Variants in USP6 observed in about 807,000 individuals in gnomAD.
USP6 encodes ubiquitin carboxyl-terminal hydrolase 6.
In USP6, 128 loss-of-function variants were observed where a neutral mutation model predicts 175.7. That is an observed-to-expected ratio of 0.73 (90% CI 0.63 to 0.84). USP6 has a LOEUF of 0.84. Among genes scored for constraint, USP6 ranks in the 40% least tolerant of loss-of-function variants. The pLI, the probability that USP6 is intolerant of heterozygous loss-of-function variation, is 0.00. For synonymous variants in USP6, 562 were observed against 630.6 expected (o/e 0.89, Z 1.63); for missense variants, 1,498 against 1,760.3 (o/e 0.85, Z 2.67).
At chr17:5,133,410 G>A (rs1459378411) in intron 13 of USP6, 33 bp from the exon 14 acceptor site, 4 of 1,581,452 alleles carry the variant, frequency 2.5e-6, no homozygotes, top group Non-Finnish European at 3.5e-6. Flanking sequence ...GTCACCCCAT[G>A]GCCTGTGACA....
chr17:5,130,748 CT>C, intron 11 of USP6, 64 bp downstream of exon 11: 1 of 1,599,150 alleles, frequency 6.3e-7, no homozygotes, highest in East Asian at 2.2e-5. Context: ...GATGGGTTTG[CT>C]TTTAGAAAGG....
At chr17:5,138,418 A>G (rs2073332421) in intron 21 of USP6, 145 bp downstream of exon 21, 3 of 1,457,570 alleles carry the variant, frequency 2.1e-6, no homozygotes, top group Non-Finnish European at 2.8e-6. Flanking sequence ...AAGAAAGTAC[A>G]GGAGGCCCAC....
At chr17:5,168,740 C>T (rs373702732) in intron 34 of USP6, 27 bp from the exon 35 acceptor site, 82 of 1,534,906 alleles carry the variant, frequency 5.3e-5, no homozygotes, top group Middle Eastern at 1.8e-4. Flanking sequence ...CCCTTTAATG[C>T]GATGTTTTCT....
At position 5,168,748 on chromosome 17, in the gene USP6, T is replaced by G; in HGVS notation, c.3229-19T>G. Reference sequence around the variant, plus strand: ...TTCAGAACCCTTTAATGCGATGTTTTCTACCTTTACTTCTCCAGATTATTC... The same window carrying G: ...TTCAGAACCCTTTAATGCGATGTTTGCTACCTTTACTTCTCCAGATTATTC... On this transcript the variant is annotated intron_variant, in intron 34 of 37. Coordinates refer to ENST00000574788, the MANE Select transcript of USP6 (RefSeq NM_001304284.2). 3 of 1,544,188 alleles carry G rather than the reference T, an allele frequency of 1.9e-6. No individual in the cohort carries two copies. Among genetic ancestry groups the G allele is most frequent in the Non-Finnish European group, 2.6e-6 (3 of 1,147,042 alleles).
chr17:5,169,450 T>G (rs2074165906), intron 35 of USP6, among the ~76,000 whole-genome samples: 1 of 152,338 alleles, frequency 6.6e-6, no homozygotes, highest in African/African-American at 2.4e-5. Flanking sequence ...TTTTTTGTTT[T>G]TTTGAGACAG....
intron 11 of USP6, among the ~76,000 whole-genome samples, chr17:5,131,521 A>T (rs3930854): frequency 1.3e-5 from 2 of 150,656 alleles, no homozygotes; most frequent in African/African-American, 4.9e-5. Flanking sequence ...GGGCCCACCT[A>T]CCCCTGTTCT....
Position 5,121,421 on chromosome 17 carries a change from A to G in USP6, c.-1628A>G, listed in dbSNP as rs529684988. ...GTGGCCACCAACACAGAGGCCCTGC[A>G]GAGCGGCAGGATAGAGATATGGAGC... On this transcript the variant is annotated 5_prime_UTR_variant, in exon 4 of 38. Transcript: ENST00000574788. 9 of 322,164 alleles carry G rather than the reference A, an allele frequency of 2.8e-5. No homozygotes were observed. The East Asian group carries it at 7.3e-4, about 26-fold the overall frequency. The allele number at this position is 322,164 out of a possible 1,614,324, so 20.0% of individuals were successfully genotyped here.
intron 30 of USP6, among the ~76,000 whole-genome samples, chr17:5,155,015 C>T (rs1210430739): frequency 1.3e-5 from 2 of 152,172 alleles, no homozygotes; most frequent in Non-Finnish European, 2.9e-5. Context: ...GGATTACAGG[C>T]GTGAGCTACC....
chr17:5,141,863 C>T lies in USP6; in HGVS notation c.1574-140C>T. The stretch of plus-strand genomic sequence containing the variant: ...CCATGAAAAGCCTTCTCTAGCATTT[C>T]AAAGACCTGCTAGAGAATTATTAGC... On this transcript the variant is annotated intron_variant, in intron 23 of 37. Coordinates refer to ENST00000574788, the MANE Select transcript of USP6 (RefSeq NM_001304284.2). The T allele has an allele frequency of 1.7e-5, 23 of 1,364,224 alleles. 1 individual carries two copies. The South Asian group carries it at 3.8e-4, about 23-fold the overall frequency. 84.5% of individuals were successfully genotyped at this position (1,364,224 alleles called of 1,614,324 possible).
intron 6 of USP6, among the ~76,000 whole-genome samples, chr17:5,126,356 A>G (rs577985304): frequency 6.6e-6 from 1 of 152,286 alleles, no homozygotes; most frequent in South Asian, 2.1e-4. Flanking sequence ...AATAGACAAG[A>G]CATCACGGTT....
intron 22 of USP6, among the ~76,000 whole-genome samples, chr17:5,140,208 A>G (rs1229942593): frequency 6.6e-6 from 1 of 152,216 alleles, no homozygotes; most frequent in Admixed American, 6.5e-5. Flanking sequence ...AAGGCACTAC[A>G]GTGTCCTCCT....
chr17:5,159,963 CAAA>C (rs34643191), intron 31 of USP6, among the ~76,000 whole-genome samples: 7 of 108,648 alleles, frequency 6.4e-5, no homozygotes, highest in East Asian at 2.4e-4. Context: ...TACCCCGTCT[CAAA>C]AAAAAAAAAA....
chr17:5,120,236 T>C (rs2072622280), intron 2 of USP6, among the ~76,000 whole-genome samples: 1 of 151,798 alleles, frequency 6.6e-6, no homozygotes, highest in African/African-American at 2.4e-5. Context: ...CAACGTAGGG[T>C]TGCTCTCTGC....
rs1191053537 is a variant in USP6 at position 5,132,525 on chromosome 17, G to A, written c.195+90G>A. On this transcript the variant is annotated intron_variant, in intron 12 of 37. Coordinates refer to ENST00000574788, the MANE Select transcript of USP6 (RefSeq NM_001304284.2). The surrounding 1 kb of genome is among the most constrained non-coding windows in gnomAD (Gnocchi z 4.7). ...GCAGAGGAAGCAGCTGGCCTGGGCG[G>A]TGGCGGGTGAGGGCAACACGCTGTC... is the stretch of plus-strand genomic sequence containing the variant. 1.5e-5 allele frequency: 24 copies of A among 1,608,156 alleles called. No individual in the cohort carries two copies. Among genetic ancestry groups the A allele is most frequent in the Non-Finnish European group, 2.0e-5 (23 of 1,176,588 alleles).
At chr17:5,166,000 T>C (rs1479514549) in intron 33 of USP6, among the ~76,000 whole-genome samples, 1 of 152,222 alleles carries the variant, frequency 6.6e-6, no homozygotes, top group African/African-American at 2.4e-5. Context: ...TGGTTGGCCA[T>C]AAAGTATTCC....
intron 23 of USP6, 137 bp from the exon 24 acceptor site, chr17:5,141,866 A>T: frequency 7.4e-7 from 1 of 1,358,594 alleles, no homozygotes; most frequent in Middle Eastern, 2.3e-4. Context: ...AGCATTTCAA[A>T]GACCTGCTAG....
chr17:5,136,778 C>T (rs1196755728), intron 18 of USP6, 44 bp downstream of exon 18: 1 of 1,601,414 alleles, frequency 6.2e-7, no homozygotes. Flanking sequence ...GCCCTGCCTC[C>T]TGTGGGGCTG....
intron 4 of USP6, among the ~76,000 whole-genome samples, chr17:5,124,042 G>A (rs1043703909): frequency 1.3e-5 from 2 of 152,120 alleles, no homozygotes; most frequent in African/African-American, 2.4e-5. Flanking sequence ...ACCCTACCAG[G>A]ACACGGAGTC....
chr17:5,130,270 T>C, intron 9 of USP6, 97 bp from the exon 10 acceptor site: 1 of 1,228,058 alleles, frequency 8.1e-7, no homozygotes, highest in Admixed American at 1.7e-5. Flanking sequence ...ATGAAGGTTA[T>C]ACAACCAGCC....
Sources: gnomAD v4.1 joint callset for allele counts (sites outside exome capture counted in the v4.1 genomes callset) on GRCh38, gnomAD v4.1.1 for gene constraint, Gnocchi (gnomAD v3.1) non-coding constraint, MANE v1.5 for transcripts, NCBI Gene and HGNC (gene_info 2026-07-23, HGNC 2026-07-21) for gene names.